The following ABHD6 variants were observed in gnomAD, a reference collection of about 807,000 sequenced individuals.
ABHD6 encodes the protein monoacylglycerol lipase ABHD6.
ABHD6 carries 33 observed loss-of-function variants against 38.8 expected under a neutral mutation model. The observed-to-expected ratio is 0.85, with a 90% CI of 0.64 to 1.14. The LOEUF (loss-of-function observed/expected upper bound fraction) is 1.14. Among genes scored for constraint, ABHD6 ranks in the 50% most tolerant of loss-of-function variants. The pLI, the probability that ABHD6 is intolerant of heterozygous loss-of-function variation, is 0.00. For missense variants in ABHD6, 380 were observed against 422.6 expected, an observed-to-expected ratio of 0.90 and a Z score of 0.88; for synonymous variants, 147 against 161.6, an observed-to-expected ratio of 0.91 and a Z score of 0.69.
chr3:58,277,654 G>A (rs2097449728), intron 7 of ABHD6, among the ~76,000 whole-genome samples: 2 of 152,204 alleles, frequency 1.3e-5, no homozygotes, highest in African/African-American at 4.8e-5. Flanking sequence ...ATATTGAATA[G>A]GAGTGGTGAG....
chr3:58,275,994 T>A (rs1227212190), intron 7 of ABHD6, among the ~76,000 whole-genome samples: 1 of 152,224 alleles, frequency 6.6e-6, no homozygotes, highest in Admixed American at 6.5e-5. Context: ...ATGTGTCACA[T>A]TTTCTTAATC....
rs2097433623 is a variant in ABHD6 at position 58,256,715 on chromosome 3, T to A, written c.119+10T>A. ...TAAGAATCTATTATTGGTAAGCCAG[T>A]TTTATCATTGATGTTTTCAAGAGTA... On this transcript the variant is annotated intron_variant, in intron 3 of 9. Transcript: ENST00000478253. This position sits in a 1 kb window ranked among gnomAD's most constrained non-coding sequence, Gnocchi z 4.3. 6.3e-7 allele frequency: 1 copy of A among 1,582,456 alleles called. No homozygotes were observed. The highest frequency in any genetic ancestry group is 1.3e-5 in the African/African-American group (1 of 74,242).
chr3:58,291,244 A>G (rs9815907), intron 9 of ABHD6, among the ~76,000 whole-genome samples: 116,312 of 149,074 alleles, frequency 0.78, 46,140 homozygotes, highest in East Asian at 1. Flanking sequence ...CAGGCGTGGC[A>G]GTGTGCACCT....
At chr3:58,271,175 G>A (rs1463665517) in intron 6 of ABHD6, 111 bp downstream of exon 6, 1 of 1,220,036 alleles carries the variant, frequency 8.2e-7, no homozygotes, top group Non-Finnish European at 1.1e-6. Context: ...GTATGCTTGA[G>A]AGATATGCAG....
chr3:58,293,598 G>A lies in ABHD6; in HGVS notation c.847G>A (p.Val283Met). The A allele has an allele frequency of 6.2e-7, 1 of 1,614,058 alleles. No individual in the cohort carries two copies. The highest frequency in any genetic ancestry group is 8.5e-7 in the Non-Finnish European group (1 of 1,179,940). The change falls in exon 10 of 10, where the codon GTG (valine) becomes ATG (methionine). Residue 283 changes from valine (V) to methionine (M), a missense_variant. Val to Met is a conservative substitution (Grantham distance 21). Transcript: ENST00000478253. The surrounding 1 kb of genome is among the most constrained non-coding windows in gnomAD (Gnocchi z 4.4). ...CTTTCTTGCCCAGCAGGTGCTGGAT[G>A]TGTCTGGGGCAGACATGTTGGCCAA... ...IWGKQDQVLD[V>M]SGADMLAKSI...
chr3:58,280,682 T>C (rs1188125078), intron 7 of ABHD6, among the ~76,000 whole-genome samples: 1 of 152,252 alleles, frequency 6.6e-6, no homozygotes, highest in East Asian at 1.9e-4. Flanking sequence ...CTCTGGTTTT[T>C]AGAATTTTCA....
In ABHD6 at chr3:58,251,957, A is replaced by G. The variant is rs780270626; in HGVS notation, c.-26+2015A>G. The stretch of plus-strand genomic sequence containing the variant: ...AAATCCTACTCTTTAATTGCCTGGC[A>G]TAATTCCAGAAATGTTTAAGTCACC... On this transcript the variant is annotated intron_variant, in intron 2 of 9. Transcript: ENST00000478253. This position sits in a 1 kb window ranked among gnomAD's most constrained non-coding sequence, Gnocchi z 5.4. 6.6e-6 allele frequency among the ~76,000 whole-genome samples: 1 copy of G among 152,210 alleles called. No homozygotes were observed. Among genetic ancestry groups the G allele is most frequent in the South Asian group, 2.1e-4 (1 of 4,836 alleles).
chr3:58,254,843 T>C (rs774843720), intron 2 of ABHD6, among the ~76,000 whole-genome samples: 8 of 121,862 alleles, frequency 6.6e-5, no homozygotes, highest in Non-Finnish European at 1.3e-4. Context: ...TATACATATA[T>C]ATGTGTATAC....
chr3:58,256,524 C>CAA lies in ABHD6; in HGVS notation c.-25-37_-25-36insAA. ...CTTCTTCGCCTTTTTTCCTTTGATA[C>CAA]AGAGTTTTAATATCGTCATTCTCTT... is the stretch of plus-strand genomic sequence containing the variant. On this transcript the variant is annotated intron_variant, in intron 2 of 9. Transcript: ENST00000478253. The surrounding 1 kb of genome is among the most constrained non-coding windows in gnomAD (Gnocchi z 4.3). The CAA allele has an allele frequency of 8.1e-7, 1 of 1,235,792 alleles. No homozygotes were observed. The highest frequency in any genetic ancestry group is 1.3e-5 in the South Asian group (1 of 75,604). 76.6% of individuals were successfully genotyped at this position (1,235,792 alleles called of 1,614,324 possible). A position where few individuals can be genotyped will look rare whatever the true frequency, so the allele number is the denominator to read the frequency against.
chr3:58,244,251 G>A (rs904156046), intron 1 of ABHD6, among the ~76,000 whole-genome samples: 1 of 152,176 alleles, frequency 6.6e-6, no homozygotes, highest in Non-Finnish European at 1.5e-5. Flanking sequence ...ATAGGATCTG[G>A]CAATGTGAGA....
intron 7 of ABHD6, among the ~76,000 whole-genome samples, chr3:58,283,935 G>A (rs533527818): frequency 6.6e-6 from 1 of 152,320 alleles, no homozygotes; most frequent in South Asian, 2.1e-4. Flanking sequence ...ATGAGTTAGA[G>A]TCTAGTGATG....
chr3:58,270,654 C>T (rs2097444205), intron 5 of ABHD6, among the ~76,000 whole-genome samples: 1 of 151,948 alleles, frequency 6.6e-6, no homozygotes, highest in Admixed American at 6.6e-5. Flanking sequence ...AGAGTGAGAC[C>T]CTGTCTCAGA....
intron 9 of ABHD6, among the ~76,000 whole-genome samples, chr3:58,289,847 G>A (rs1294499199): frequency 5.0e-5 from 7 of 140,132 alleles, no homozygotes; most frequent in African/African-American, 8.8e-5. Context: ...CGGACAGGGC[G>A]GCTGGCCGGG....
At chr3:58,286,818 A>G (rs2097457290) in intron 9 of ABHD6, among the ~76,000 whole-genome samples, 2 of 88,862 alleles carry the variant, frequency 2.3e-5, no homozygotes, top group South Asian at 4.2e-4. Flanking sequence ...ATATAAGATC[A>G]TATATGTGTG....
intron 1 of ABHD6, among the ~76,000 whole-genome samples, chr3:58,248,103 T>C (rs919445310): frequency 1.3e-5 from 2 of 152,240 alleles, no homozygotes; most frequent in Admixed American, 6.5e-5. Context: ...TGTTAGGGTA[T>C]TACTCTTATC....
intron 1 of ABHD6, among the ~76,000 whole-genome samples, chr3:58,247,159 C>A (rs7641499): frequency 0.19 from 28,554 of 151,652 alleles, 4,353 homozygotes; most frequent in East Asian, 0.79. Flanking sequence ...TGCACCACCA[C>A]GCCTGGCTAA....
chr3:58,279,932 G>T (rs2097451826), intron 7 of ABHD6, among the ~76,000 whole-genome samples: 1 of 152,196 alleles, frequency 6.6e-6, no homozygotes, highest in South Asian at 2.1e-4. Context: ...GTCTCTTCTG[G>T]CTTGTAGGGT....
In ABHD6 at chr3:58,251,917, T is replaced by A. The variant is rs1443373411; in HGVS notation, c.-26+1975T>A. Among the ~76,000 whole-genome samples the A allele has an allele frequency of 1.3e-5, 2 of 152,234 alleles. No individual in the cohort carries two copies. Among genetic ancestry groups the A allele is most frequent in the East Asian group, 1.9e-4 (1 of 5,202 alleles). ...GGAACTCTATTAGGAAAGAAGATTC[T>A]TGTGGGAGCAAGCCAAATCCTACTC... On this transcript the variant is annotated intron_variant, in intron 2 of 9. Coordinates refer to ENST00000478253, the MANE Select transcript of ABHD6 (RefSeq NM_001320126.2). The surrounding 1 kb of genome is among the most constrained non-coding windows in gnomAD (Gnocchi z 5.4).
At chr3:58,260,176 C>A (rs2097436021) in intron 3 of ABHD6, among the ~76,000 whole-genome samples, 2 of 152,122 alleles carry the variant, frequency 1.3e-5, no homozygotes, top group Non-Finnish European at 2.9e-5. Context: ...AATAATACCA[C>A]AAAAAAACCA....
Sources: allele counts gnomAD v4.1 joint callset (sites outside exome capture counted in the v4.1 genomes callset), GRCh38; gene constraint gnomAD v4.1.1; non-coding constraint Gnocchi (gnomAD v3.1); transcripts MANE v1.5; gene names NCBI Gene and HGNC (gene_info 2026-07-23, HGNC 2026-07-21).